Variants in HPSE2 observed in about 807,000 individuals in gnomAD.
HPSE2 encodes heparanase 2 (inactive), also known as inactive heparanase-2.
HPSE2 carries 38 observed loss-of-function variants against 60.5 expected under a neutral mutation model. That is an observed-to-expected ratio of 0.63 (90% CI 0.48 to 0.82). HPSE2 has a LOEUF of 0.82. Ranked by LOEUF, HPSE2 falls within the 40% of genes least tolerant of loss-of-function variation. The pLI, the probability that HPSE2 is intolerant of heterozygous loss-of-function variation, is 0.00. For synonymous variants in HPSE2, 295 were observed against 293.2 expected (o/e 1.01, Z -0.06); for missense variants, 713 against 740.4 (o/e 0.96, Z 0.43).
chr10:98,670,015 C>A (rs1239250561), intron 6 of HPSE2, among the ~76,000 whole-genome samples: 1 of 152,160 alleles, frequency 6.6e-6, no homozygotes, highest in Non-Finnish European at 1.5e-5. Context: ...ATGAAGGAGT[C>A]ATGCAGATTT....
At chr10:99,170,585 C>G (rs539401445) in intron 2 of HPSE2, among the ~76,000 whole-genome samples, 1 of 152,312 alleles carries the variant, frequency 6.6e-6, no homozygotes, top group East Asian at 1.9e-4. Flanking sequence ...CATCGGTACA[C>G]TAGAACTCAT....
chr10:98,752,607 T>C (rs1949784434), intron 3 of HPSE2, among the ~76,000 whole-genome samples: 1 of 152,258 alleles, frequency 6.6e-6, no homozygotes, highest in East Asian at 1.9e-4. Context: ...ATAAACGTGT[T>C]AGTGAAAATG....
At chr10:99,239,906 C>T (rs1589858036), upstream of HPSE2, among the ~76,000 whole-genome samples, 1 of 151,976 alleles carries the variant, frequency 6.6e-6, no homozygotes, top group South Asian at 2.1e-4. Flanking sequence ...TGAAAAATCC[C>T]GGCCAGGTGC....
At chr10:99,182,006 T>G (rs1233343880) in intron 2 of HPSE2, among the ~76,000 whole-genome samples, 1 of 152,148 alleles carries the variant, frequency 6.6e-6, no homozygotes, top group Non-Finnish European at 1.5e-5. Flanking sequence ...GAGAGAGCCC[T>G]CAGAAGAAAC....
chr10:98,463,576 A>C (rs1940398845), intron 11 of HPSE2, among the ~76,000 whole-genome samples: 1 of 149,634 alleles, frequency 6.7e-6, no homozygotes, highest in South Asian at 2.1e-4. Flanking sequence ...CTGAGGCAGG[A>C]GGATCACTTG....
intron 3 of HPSE2, among the ~76,000 whole-genome samples, chr10:98,793,581 T>C (rs1414970): frequency 0.019 from 2,933 of 152,264 alleles, 90 homozygotes; most frequent in African/African-American, 0.062. Flanking sequence ...GAGTGTGGGA[T>C]GAGGGAAGTA....
At chr10:99,308,241 A>C in the HPSE2 span, among the ~76,000 whole-genome samples, 2 of 151,406 alleles carry the variant, frequency 1.3e-5, no homozygotes, top group Non-Finnish European at 2.9e-5. Context: ...TACAAAAATT[A>C]CCCGGGTGTG....
At chr10:98,536,964 T>C (rs1468910144) in intron 9 of HPSE2, among the ~76,000 whole-genome samples, 1 of 152,150 alleles carries the variant, frequency 6.6e-6, no homozygotes, top group Non-Finnish European at 1.5e-5. Flanking sequence ...TTTTAAGGAA[T>C]CTGAATTTTA....
intron 3 of HPSE2, among the ~76,000 whole-genome samples, chr10:99,053,719 C>CT (rs11301458): frequency 0.45 from 26,152 of 57,780 alleles, 11,016 homozygotes; most frequent in Non-Finnish European, 0.57. Flanking sequence ...GAGTTACAGT[C>CT]TTTTTTTTTT....
intron 9 of HPSE2, among the ~76,000 whole-genome samples, chr10:98,502,217 C>T (rs951131691): frequency 4.6e-5 from 7 of 151,956 alleles, no homozygotes; most frequent in Non-Finnish European, 1.0e-4. Flanking sequence ...CATATGGAAC[C>T]AAAAAAGAGC....
At chr10:98,801,161 C>T (rs900965815) in intron 3 of HPSE2, among the ~76,000 whole-genome samples, 3 of 152,108 alleles carry the variant, frequency 2.0e-5, no homozygotes, top group Non-Finnish European at 2.9e-5. Flanking sequence ...CATTTAACAT[C>T]CCTTCATGAT....
chr10:99,247,990 C>G, the HPSE2 span, among the ~76,000 whole-genome samples: 12 of 152,214 alleles, frequency 7.9e-5, no homozygotes, highest in Non-Finnish European at 1.3e-4. Context: ...CCTGTAGAAC[C>G]ATGAGCCAAC....
chr10:99,194,314 A>G (rs771696790), intron 2 of HPSE2, among the ~76,000 whole-genome samples: 2 of 151,874 alleles, frequency 1.3e-5, no homozygotes, highest in Non-Finnish European at 2.9e-5. Flanking sequence ...TACCTACATC[A>G]AAAAAAGTAG....
chr10:98,640,407 T>A (rs1202626887), intron 7 of HPSE2, among the ~76,000 whole-genome samples: 4 of 152,200 alleles, frequency 2.6e-5, no homozygotes, highest in Non-Finnish European at 5.9e-5. Context: ...GATTGGGATG[T>A]AGTAGTTCAG....
chr10:98,523,885 C>T (rs1489070434), intron 9 of HPSE2, among the ~76,000 whole-genome samples: 1 of 152,196 alleles, frequency 6.6e-6, no homozygotes, highest in African/African-American at 2.4e-5. Context: ...TCTCTACCTC[C>T]TTAGCCAAAG....
At chr10:99,078,631 C>G (rs954370386) in intron 3 of HPSE2, among the ~76,000 whole-genome samples, 1 of 152,088 alleles carries the variant, frequency 6.6e-6, no homozygotes, top group East Asian at 1.9e-4. Flanking sequence ...TTGGTTGAAT[C>G]CATGGATGCA....
chr10:98,884,586 T>C (rs954531001), intron 3 of HPSE2, among the ~76,000 whole-genome samples: 2 of 152,126 alleles, frequency 1.3e-5, no homozygotes, highest in African/African-American at 4.8e-5. Flanking sequence ...CTGTGCTCTA[T>C]AAGTGGAATG....
intron 3 of HPSE2, among the ~76,000 whole-genome samples, chr10:98,999,197 A>ATGTGTGTGTG (rs1589492039): frequency 2.4e-5 from 3 of 122,740 alleles, no homozygotes; most frequent in East Asian, 2.7e-4. Flanking sequence ...GTGTGTGTGC[A>ATGTGTGTGTG]TGTGTGTGTA....
chr10:99,132,950 G>T (rs1845502609), intron 3 of HPSE2, among the ~76,000 whole-genome samples: 1 of 152,146 alleles, frequency 6.6e-6, no homozygotes, highest in Non-Finnish European at 1.5e-5. Context: ...GGCTCAGAGG[G>T]TCCCACCCCC....
Sources: allele counts gnomAD v4.1 joint callset (sites outside exome capture counted in the v4.1 genomes callset), GRCh38; gene constraint gnomAD v4.1.1; transcripts MANE v1.5; gene names NCBI Gene and HGNC (gene_info 2026-07-23, HGNC 2026-07-21).